Variants in TTC21A observed in about 807,000 individuals in gnomAD.
TTC21A encodes the protein tetratricopeptide repeat protein 21A.
TTC21A carries 128 observed loss-of-function variants against 156.4 expected under a neutral mutation model. The observed-to-expected ratio is 0.82, with a 90% CI of 0.71 to 0.95. The LOEUF (loss-of-function observed/expected upper bound fraction) is 0.95. Ranked by LOEUF, TTC21A falls within the 40% of genes least tolerant of loss-of-function variation. The pLI is 0.00. For synonymous variants in TTC21A, 587 were observed against 617.1 expected, an observed-to-expected ratio of 0.95 and a Z score of 0.72; for missense variants, 1,435 against 1,602.3, an observed-to-expected ratio of 0.90 and a Z score of 1.78.
chr3:39,124,524 G>A (rs2038041824), intron 9 of TTC21A, among the ~76,000 whole-genome samples: 1 of 151,910 alleles, frequency 6.6e-6, no homozygotes, highest in Non-Finnish European at 1.5e-5. Flanking sequence ...GCCGGGCGTG[G>A]TGGCCATGCC....
chr3:39,113,855 A>G (rs574428165), intron 5 of TTC21A, among the ~76,000 whole-genome samples: 5 of 152,382 alleles, frequency 3.3e-5, no homozygotes, highest in Admixed American at 3.3e-4. Context: ...AAGTGCTTCA[A>G]TGAACACATT....
chr3:39,122,591 C>G (rs999883120), intron 9 of TTC21A, among the ~76,000 whole-genome samples: 2 of 152,014 alleles, frequency 1.3e-5, no homozygotes, highest in African/African-American at 4.8e-5. Flanking sequence ...GCAGTGAGAG[C>G]GATAATAGGA....
In TTC21A at chr3:39,137,217, G is replaced by C; in HGVS notation, c.3280G>C (p.Glu1094Gln). Residue 1094 changes from glutamate to glutamine, a missense_variant, in exon 25 of 29, where the codon GAG becomes CAG. By Grantham distance (29) the Glu-to-Gln change is conservative (BLOSUM62 2). Transcript: ENST00000683103. The part of the protein sequence containing the change: ...ESNYMEKKEL[E>Q]QQGVSTAEKL... ...CAGCTACATGGAGAAGAAGGAGTTG[G>C]AGCAGCAGGGTGTGAGCACCGCCGA... 6.2e-7 allele frequency: 1 copy of C among 1,613,508 alleles called. No homozygotes were observed. The highest frequency in any genetic ancestry group is 8.5e-7 in the Non-Finnish European group (1 of 1,179,628).
rs752647166 is a variant in TTC21A, at chr3:39,133,093, G to A, written c.2604G>A (p.Leu868=). ...LQSRILKRVP[L]EQPEMIPSQK... is the part of the protein sequence containing the mutation. ...CTCGGATACTGAAGCGAGTTCCACT[G>A]GAGCAACCAGAAATGATTCCCTCCC... The change falls in exon 20 of 29, where the codon CTG becomes CTA. Residue 868 remains leucine (L), a synonymous_variant. Coordinates refer to ENST00000683103, the MANE Select transcript of TTC21A (RefSeq NM_001366900.1). The A allele has an allele frequency of 5.0e-6, 8 of 1,614,224 alleles. No homozygotes were observed. The highest frequency in any genetic ancestry group is 6.8e-6 in the Non-Finnish European group (8 of 1,180,044).
At chr3:39,116,484 C>CCCT (rs57899454) in intron 6 of TTC21A, among the ~76,000 whole-genome samples, 20 of 148,730 alleles carry the variant, frequency 1.3e-4, no homozygotes, top group Middle Eastern at 3.4e-3. Context: ...CTGCCCCCCC[C>CCCT]TTTTTTTGGG....
chr3:39,130,408 G>C lies in TTC21A; in HGVS notation c.2319+50G>C. 1 of 1,455,778 alleles carries C rather than the reference G, an allele frequency of 6.9e-7. No individual in the cohort carries two copies. Among genetic ancestry groups the C allele is most frequent in the Non-Finnish European group, 9.5e-7 (1 of 1,053,144 alleles). The allele number at this position is 1,455,778 out of a possible 1,614,324, so 90.2% of individuals were successfully genotyped here. A position where few individuals can be genotyped will look rare whatever the true frequency, so the allele number is the denominator to read the frequency against. ...GGGCAGGGAGGGCCAGCCCAGCAGG[G>C]AAGGAGGAGGACGGTACATGACTGG... On this transcript the variant is annotated intron_variant, in intron 17 of 28. Transcript: ENST00000683103. The surrounding 1 kb of genome is among the most constrained non-coding windows in gnomAD (Gnocchi z 4.5).
chr3:39,117,483 G>T (rs1432584948), intron 6 of TTC21A, among the ~76,000 whole-genome samples: 1 of 152,184 alleles, frequency 6.6e-6, no homozygotes, highest in Non-Finnish European at 1.5e-5. Flanking sequence ...TGAAACCCAG[G>T]TTCCTTTTCC....
chr3:39,119,065 C>T (rs1644825195), intron 7 of TTC21A: 2 of 152,280 alleles, frequency 1.3e-5, no homozygotes, highest in South Asian at 4.1e-4. Flanking sequence ...TGGGGCCTGG[C>T]CTGAAAGTTA....
In TTC21A at chr3:39,125,479, C is replaced by T. The variant is rs1296653935; in HGVS notation, c.1339C>T (p.Pro447Ser). 1.9e-6 allele frequency: 3 copies of T among 1,613,984 alleles called. No individual in the cohort carries two copies. Among genetic ancestry groups the T allele is most frequent in the African/African-American group, 2.7e-5 (2 of 74,912 alleles). The change falls in exon 11 of 29, where the codon CCG becomes TCG. Residue 447 changes from proline to serine, a missense_variant. Transcript: ENST00000683103. ...LGSEYFEKLD[P>S]YFLVCIAKEY... ...CTCTGAGTACTTTGAAAAGCTGGAC[C>T]CGTACTTCCTGGTCTGCATTGCTAA...
intron 7 of TTC21A, chr3:39,119,418 A>G (rs2037553595): frequency 6.6e-6 from 1 of 152,312 alleles, no homozygotes; most frequent in Non-Finnish European, 1.5e-5. Flanking sequence ...AAGTTCGAAT[A>G]GTTATACTGA....
chr3:39,116,638 G>C (rs760393610), intron 6 of TTC21A, among the ~76,000 whole-genome samples: 5 of 152,006 alleles, frequency 3.3e-5, no homozygotes, highest in Admixed American at 6.6e-5. Context: ...ACCATACCCA[G>C]CTATTTTTTT....
intron 6 of TTC21A, among the ~76,000 whole-genome samples, chr3:39,115,950 T>C (rs2056615): frequency 0.12 from 18,328 of 152,246 alleles, 1,155 homozygotes; most frequent in Admixed American, 0.15. Context: ...ATCAAACTTA[T>C]CTCTACCCTG....
chr3:39,130,725 CAGA>C lies in TTC21A; in HGVS notation c.2348_2350del (p.Lys783del). 1.9e-6 allele frequency: 3 copies of C among 1,614,170 alleles called. No individual in the cohort carries two copies. The highest frequency in any genetic ancestry group is 2.5e-6 in the Non-Finnish European group (3 of 1,180,024). ...GGCAATTGAGTATTATGAGGCTGCC[CAGA>C]AGATTAATGGACAGGACTTTCTGTG... On this transcript the variant is annotated inframe_deletion, in exon 18 of 29. Coordinates refer to ENST00000683103, the MANE Select transcript of TTC21A (RefSeq NM_001366900.1). The surrounding 1 kb of genome is among the most constrained non-coding windows in gnomAD (Gnocchi z 4.5).
intron 1 of TTC21A, chr3:39,108,376 G>C (rs28362640): frequency 0.25 from 39,875 of 158,220 alleles, 5,306 homozygotes; most frequent in East Asian, 0.33. Flanking sequence ...TTTCTCTGCT[G>C]TGGCTCTTTT....
Position 39,109,947 on chromosome 3 carries a change from CT to C in TTC21A, c.158-81del, listed in dbSNP as rs371574792. On this transcript the variant is annotated intron_variant, in intron 2 of 28. Transcript: ENST00000683103. ...CCAGTTAGTCCAGCAGGTAGTAGTG[CT>C]GAGCTGTTGGGTCAGCTACAGAGTC... The C allele has an allele frequency of 3.8e-3, 3,689 of 978,936 alleles. 8 individuals are homozygous for C. Among genetic ancestry groups the C allele is most frequent in the Non-Finnish European group, 4.9e-3 (3,081 of 631,254 alleles). 60.6% of individuals were successfully genotyped at this position (978,936 alleles called of 1,614,324 possible). A position where few individuals can be genotyped will look rare whatever the true frequency, so the allele number is the denominator to read the frequency against.
chr3:39,108,270 G>A (rs2036420758), intron 1 of TTC21A: 1 of 242,764 alleles, frequency 4.1e-6, no homozygotes, highest in Non-Finnish European at 7.9e-6. Flanking sequence ...GCTCCTTGAT[G>A]TCTCCTGGGT....
intron 26 of TTC21A, 97 bp downstream of exon 26, chr3:39,137,807 G>T: frequency 7.7e-7 from 1 of 1,305,212 alleles, no homozygotes; most frequent in Non-Finnish European, 1.1e-6. Flanking sequence ...AGGCCATATG[G>T]AATAAGAACT....
chr3:39,108,047 A>G lies in TTC21A; in HGVS notation c.27+183A>G, dbSNP rs944882328. The G allele has an allele frequency of 2.8e-5, 18 of 646,502 alleles. No homozygotes were observed. In the Admixed American group the frequency reaches 5.1e-4, roughly 18 times the overall value. 40.0% of individuals were successfully genotyped at this position (646,502 alleles called of 1,614,324 possible). A position where few individuals can be genotyped will look rare whatever the true frequency, so the allele number is the denominator to read the frequency against. On this transcript the variant is annotated intron_variant, in intron 1 of 28. Transcript: ENST00000683103. The stretch of plus-strand genomic sequence containing the variant: ...TCTCCGGTGGCTTCTGCGCACCCTG[A>G]GCCCCAAATTAGCATCCCCGTTTCT...
chr3:39,115,835 T>TA (rs550039497), intron 6 of TTC21A, among the ~76,000 whole-genome samples: 17 of 147,814 alleles, frequency 1.2e-4, no homozygotes, highest in East Asian at 7.8e-4. Flanking sequence ...AGCACAGGTC[T>TA]AAAAAAAAAA....
Sources: allele counts gnomAD v4.1 joint callset (sites outside exome capture counted in the v4.1 genomes callset), GRCh38; gene constraint gnomAD v4.1.1; non-coding constraint Gnocchi (gnomAD v3.1); transcripts MANE v1.5; gene names NCBI Gene and HGNC (gene_info 2026-07-23, HGNC 2026-07-21).